MINDY3: variants seen among roughly 807,000 people sequenced by gnomAD.
MINDY3 encodes the protein ubiquitin carboxyl-terminal hydrolase MINDY-3.
In MINDY3, 38 loss-of-function variants were observed where a neutral mutation model predicts 69.2. The ratio of observed to expected loss-of-function variants is 0.55; its 90% CI spans 0.42 to 0.72. The LOEUF is 0.72. Ranked by LOEUF, MINDY3 falls within the 30% of genes least tolerant of loss-of-function variation. The probability of loss-of-function intolerance (pLI) is 0.00; values close to 1 mark genes in which losing one functional copy is unlikely to be tolerated. For synonymous variants in MINDY3, 192 were observed against 180.1 expected, an observed-to-expected ratio of 1.07 and a Z score of -0.53; for missense variants, 522 against 519.0, an observed-to-expected ratio of 1.01 and a Z score of -0.06.
intron 10 of MINDY3, among the ~76,000 whole-genome samples, chr10:15,812,083 A>G (rs1317065829): frequency 1.3e-5 from 2 of 152,254 alleles, no homozygotes; most frequent in East Asian, 3.9e-4. Flanking sequence ...CTGGGATTAC[A>G]GGTGCCCAGC....
At chr10:15,819,855 T>G (rs1839636459) in intron 9 of MINDY3, among the ~76,000 whole-genome samples, 1 of 152,192 alleles carries the variant, frequency 6.6e-6, no homozygotes, top group South Asian at 2.1e-4. Context: ...CAGCAGCGAT[T>G]GACTTCCCAC....
chr10:15,809,880 A>G (rs1838880904), intron 10 of MINDY3, among the ~76,000 whole-genome samples: 1 of 152,166 alleles, frequency 6.6e-6, no homozygotes, highest in Non-Finnish European at 1.5e-5. Flanking sequence ...GACTCTTTCT[A>G]TATCAGACAG....
chr10:15,860,217 C>T lies in MINDY3; in HGVS notation c.83G>A (p.Arg28His). Residue 28 changes from arginine to histidine, a missense_variant, in exon 1 of 15, where the codon CGC becomes CAC. Transcript: ENST00000277632. The part of the protein sequence containing the change: ...SPGLSDTIFC[R>H]WTQGFVFSES... ...CCCCGCCAGGGTACCTTGCGTCCAG[C>T]GGCAGAAAATGGTGTCCGAGAGACC... 1.2e-6 allele frequency: 2 copies of T among 1,608,044 alleles called. No individual in the cohort carries two copies. Among genetic ancestry groups the T allele is most frequent in the East Asian group, 2.2e-5 (1 of 44,664 alleles).
At chr10:15,798,297 G>T (rs1837987489) in intron 10 of MINDY3, among the ~76,000 whole-genome samples, 1 of 152,018 alleles carries the variant, frequency 6.6e-6, no homozygotes, top group African/African-American at 2.4e-5. Flanking sequence ...ACAAAGTAAA[G>T]TTTGGGAAAT....
At chr10:15,848,561 C>T (rs778371925) in intron 1 of MINDY3, among the ~76,000 whole-genome samples, 13 of 135,508 alleles carry the variant, frequency 9.6e-5, no homozygotes, top group Non-Finnish European at 2.0e-4. Context: ...GTGAACCTAG[C>T]AGGCGGAGCT....
At chr10:15,823,078 A>G (rs1163676899) in intron 8 of MINDY3, among the ~76,000 whole-genome samples, 1 of 152,098 alleles carries the variant, frequency 6.6e-6, no homozygotes. Flanking sequence ...TAACTCTGTT[A>G]TTTTTGTGGC....
At position 15,837,235 on chromosome 10, in the gene MINDY3, A is replaced by G. The variant is rs1219522650; in HGVS notation, c.545T>C (p.Leu182Ser). 6.2e-7 allele frequency: 1 copy of G among 1,605,648 alleles called. No individual in the cohort carries two copies. Among genetic ancestry groups the G allele is most frequent in the Non-Finnish European group, 8.5e-7 (1 of 1,174,892 alleles). Residue 182 changes from leucine (L) to serine (S), a missense_variant, in exon 6 of 15, where the codon TTG becomes TCG. Leu to Ser is a moderately radical substitution (Grantham distance 145). Coordinates refer to ENST00000277632, the MANE Select transcript of MINDY3 (RefSeq NM_024948.4). ...YSMWGNKFGVLLFLYSVLLTK... is the reference protein window; with the variant it reads ...YSMWGNKFGVSLFLYSVLLTK... ...CAGTAATACAGAATACAGAAAAAGC[A>G]ATACTCCAAATTTATTTCCCCACAT... is the stretch of plus-strand genomic sequence containing the variant.
chr10:15,852,737 T>A (rs374880102), intron 1 of MINDY3, among the ~76,000 whole-genome samples: 3 of 152,136 alleles, frequency 2.0e-5, no homozygotes, highest in South Asian at 2.1e-4. Flanking sequence ...GAAGTGTAAT[T>A]CGGATTAGAA....
At chr10:15,791,926 A>C (rs939610470) in intron 11 of MINDY3, among the ~76,000 whole-genome samples, 1 of 152,108 alleles carries the variant, frequency 6.6e-6, no homozygotes, top group African/African-American at 2.4e-5. Context: ...GATACTAGCT[A>C]AACTGGACAC....
At chr10:15,842,237 G>A (rs755602194) in intron 3 of MINDY3, among the ~76,000 whole-genome samples, 1 of 151,776 alleles carries the variant, frequency 6.6e-6, no homozygotes, top group Non-Finnish European at 1.5e-5. Flanking sequence ...ATTACTTTCT[G>A]AAACTTTCAA....
intron 10 of MINDY3, among the ~76,000 whole-genome samples, chr10:15,805,611 C>G (rs1447758946): frequency 6.6e-6 from 1 of 152,086 alleles, no homozygotes; most frequent in African/African-American, 2.4e-5. Context: ...GCTAAGTGAC[C>G]TGAAGTACTT....
intron 11 of MINDY3, among the ~76,000 whole-genome samples, chr10:15,795,389 G>A (rs962919390): frequency 6.6e-6 from 1 of 151,998 alleles, no homozygotes; most frequent in African/African-American, 2.4e-5. Flanking sequence ...ACAGAAGAAA[G>A]TAAAGATAAC....
intron 10 of MINDY3, among the ~76,000 whole-genome samples, chr10:15,797,037 C>T (rs890514137): frequency 5.9e-5 from 9 of 152,044 alleles, no homozygotes; most frequent in African/African-American, 2.2e-4. Flanking sequence ...TACCTTGAAT[C>T]CTTTTTATGG....
chr10:15,808,443 A>G (rs1030034346), intron 10 of MINDY3, among the ~76,000 whole-genome samples: 1 of 152,148 alleles, frequency 6.6e-6, no homozygotes, highest in African/African-American at 2.4e-5. Context: ...AGAAATGTCG[A>G]TGTAGAACTG....
intron 3 of MINDY3, among the ~76,000 whole-genome samples, chr10:15,842,279 T>G (rs1833524254): frequency 6.6e-6 from 1 of 151,938 alleles, no homozygotes. Context: ...TTTCTGTCTC[T>G]CCTAATGGAT....
At chr10:15,835,682 C>G (rs888929238) in intron 6 of MINDY3, among the ~76,000 whole-genome samples, 11 of 152,026 alleles carry the variant, frequency 7.2e-5, no homozygotes, top group Non-Finnish European at 1.6e-4. Flanking sequence ...GAATACTGAA[C>G]AGTCAAGAAG....
At chr10:15,846,356 A>AT (rs1463098498) in intron 2 of MINDY3, among the ~76,000 whole-genome samples, 1 of 152,184 alleles carries the variant, frequency 6.6e-6, no homozygotes, top group Non-Finnish European at 1.5e-5. Context: ...ATATAATCTA[A>AT]TTTACATATG....
At chr10:15,796,901 G>C (rs1476632259) in intron 10 of MINDY3, among the ~76,000 whole-genome samples, 1 of 151,992 alleles carries the variant, frequency 6.6e-6, no homozygotes, top group African/African-American at 2.4e-5. Flanking sequence ...TGACACACAT[G>C]AATCTAAAAT....
Position 15,841,430 on chromosome 10 carries a change from A to T in MINDY3, c.405T>A (p.His135Gln), listed in dbSNP as rs145397956. Residue 135 changes from histidine (H) to glutamine (Q), a missense_variant, in exon 4 of 15, where the codon CAT (histidine) becomes CAA (glutamine). Transcript: ENST00000277632. The stretch of plus-strand genomic sequence containing the variant: ...GGAAATAAAAATATATCTTACAAGA[A>T]TGTTCCACTTGGCAACTAGACTCTG... ...SPAESSCQVEHSSALAVEELG... is the reference protein window; with the variant it reads ...SPAESSCQVEQSSALAVEELG... 5.7e-4 allele frequency: 911 copies of T among 1,606,464 alleles called. 13 individuals carry two copies. In the East Asian group the frequency reaches 0.019, roughly 33 times the overall value.
Sources: gnomAD v4.1 joint callset for allele counts (sites outside exome capture counted in the v4.1 genomes callset) on GRCh38, gnomAD v4.1.1 for gene constraint, MANE v1.5 for transcripts, NCBI Gene and HGNC (gene_info 2026-07-23, HGNC 2026-07-21) for gene names.